GINS1: variants seen among roughly 807,000 people sequenced by gnomAD.
GINS1 encodes GINS complex subunit 1.
GINS1 carries 26 observed loss-of-function variants against 34.9 expected under a neutral mutation model. The observed-to-expected ratio is 0.74, with a 90% confidence interval of 0.55 to 1.03. The LOEUF (loss-of-function observed/expected upper bound fraction) is 1.03, where lower values mean the gene tolerates loss of function less well. Among genes scored for constraint, GINS1 ranks in the 50% least tolerant of loss-of-function variants. The pLI is 0.00. For missense variants in GINS1, 235 were observed against 237.9 expected (o/e 0.99, Z 0.08); for synonymous variants, 97 against 84.4 (o/e 1.15, Z -0.82).
At chr20:25,419,022 G>A (rs939107239) in intron 4 of GINS1, among the ~76,000 whole-genome samples, 1 of 152,166 alleles carries the variant, frequency 6.6e-6, no homozygotes, top group African/African-American at 2.4e-5. Context: ...TACTCTCAGG[G>A]CACATCATAA....
At chr20:25,441,871 C>T (rs567233253) in intron 6 of GINS1, 95 bp downstream of exon 6, 13 of 670,624 alleles carry the variant, frequency 1.9e-5, no homozygotes, top group Middle Eastern at 3.9e-4. Context: ...TTTTGATGAT[C>T]GTTTATATAT....
intron 5 of GINS1, among the ~76,000 whole-genome samples, chr20:25,433,117 T>A (rs1052151721): frequency 6.6e-6 from 1 of 152,056 alleles, no homozygotes; most frequent in African/African-American, 2.4e-5. Flanking sequence ...TTTTGTTTAA[T>A]CCATTCTGCT....
intron 1 of GINS1, chr20:25,409,148 C>A: frequency 2.5e-6 from 1 of 399,310 alleles, no homozygotes; most frequent in Non-Finnish European, 3.4e-6. Flanking sequence ...ACCAATAGGG[C>A]CTGTGGGGAG....
At chr20:25,415,120 T>C (rs1024005360) in intron 2 of GINS1, among the ~76,000 whole-genome samples, 1 of 152,236 alleles carries the variant, frequency 6.6e-6, no homozygotes, top group Admixed American at 6.5e-5. Flanking sequence ...TATCAGTTAC[T>C]TGAATATAGA....
At chr20:25,442,332 C>CT (rs2090486224) in intron 6 of GINS1, among the ~76,000 whole-genome samples, 1 of 135,038 alleles carries the variant, frequency 7.4e-6, no homozygotes, top group African/African-American at 2.6e-5. Context: ...ATCCATCTAT[C>CT]TATCTATCTG....
chr20:25,430,038 A>G (rs942834730), intron 5 of GINS1, among the ~76,000 whole-genome samples: 39 of 152,172 alleles, frequency 2.6e-4, no homozygotes, highest in African/African-American at 9.4e-4. Flanking sequence ...ACAGCCTCCT[A>G]AGTAGCTAGG....
chr20:25,417,031 TG>T (rs2090324756), intron 2 of GINS1, 72 bp from the exon 3 acceptor site: 3 of 684,694 alleles, frequency 4.4e-6, no homozygotes, highest in Non-Finnish European at 7.8e-6. Flanking sequence ...GTAACTCAGT[TG>T]TTAGTTGGCT....
intron 4 of GINS1, 54 bp from the exon 5 acceptor site, chr20:25,425,157 A>T: frequency 1.3e-6 from 1 of 780,844 alleles, no homozygotes; most frequent in East Asian, 2.4e-5. Context: ...GATGATATTC[A>T]GTGTGTGCAA....
At chr20:25,419,674 A>AT in intron 4 of GINS1, 1 of 594,234 alleles carries the variant, frequency 1.7e-6, no homozygotes, top group South Asian at 1.9e-5. Flanking sequence ...TTTTTTGTGT[A>AT]TTTTTTGAGA....
At chr20:25,427,357 C>T (rs766160405) in intron 5 of GINS1, among the ~76,000 whole-genome samples, 1 of 151,952 alleles carries the variant, frequency 6.6e-6, no homozygotes, top group Non-Finnish European at 1.5e-5. Context: ...ACCACCACAC[C>T]TGGCTAATTT....
chr20:25,412,430 C>T (rs1485298082), intron 1 of GINS1, among the ~76,000 whole-genome samples: 1 of 151,750 alleles, frequency 6.6e-6, no homozygotes, highest in African/African-American at 2.4e-5. Context: ...TGGTGGGCGC[C>T]TGTAATCCCA....
At chr20:25,408,795 C>T (rs1410545898) in intron 1 of GINS1, 1 of 353,762 alleles carries the variant, frequency 2.8e-6, no homozygotes, top group Non-Finnish European at 4.0e-6. Flanking sequence ...TAAGGTGACA[C>T]AGCAAGAAAG....
chr20:25,442,788 G>A (rs1168052441), intron 6 of GINS1, among the ~76,000 whole-genome samples: 1 of 151,400 alleles, frequency 6.6e-6, no homozygotes, highest in Non-Finnish European at 1.5e-5. Flanking sequence ...TGTAATTTTT[G>A]TAGAGACGGA....
intron 5 of GINS1, among the ~76,000 whole-genome samples, chr20:25,430,970 T>C (rs2090423969): frequency 6.6e-6 from 1 of 152,262 alleles, no homozygotes; most frequent in Non-Finnish European, 1.5e-5. Context: ...TTATATTTTT[T>C]AGAAAAGTTT....
chr20:25,419,343 G>GAA (rs11087515), intron 4 of GINS1, among the ~76,000 whole-genome samples: 111 of 146,276 alleles, frequency 7.6e-4, no homozygotes, highest in Middle Eastern at 3.6e-3. Flanking sequence ...AGAACTTAAA[G>GAA]AAAAAAAAAA....
At chr20:25,407,977 A>T in intron 1 of GINS1, 82 bp downstream of exon 1, 1 of 1,004,832 alleles carries the variant, frequency 1.0e-6, no homozygotes, top group East Asian at 2.5e-5. Context: ...GTCAGGGTTC[A>T]CTTTCGCACC....
At chr20:25,418,894 C>A (rs767742155) in intron 4 of GINS1, among the ~76,000 whole-genome samples, 6 of 152,190 alleles carry the variant, frequency 3.9e-5, no homozygotes, top group African/African-American at 7.2e-5. Flanking sequence ...TCAGGAGGGC[C>A]AAAGGCCCAA....
chr20:25,418,236 T>C, intron 4 of GINS1, 41 bp downstream of exon 4: 1 of 1,124,366 alleles, frequency 8.9e-7, no homozygotes, highest in Non-Finnish European at 1.4e-6. Context: ...TTGAAAATGC[T>C]AAAGTTCTGG....
chr20:25,415,022 C>T (rs2146191942), intron 2 of GINS1, among the ~76,000 whole-genome samples: 1 of 152,294 alleles, frequency 6.6e-6, no homozygotes, highest in East Asian at 1.9e-4. Context: ...CAAAGGGAGT[C>T]AAGTACTGGA....
Sources: gnomAD v4.1 joint callset for allele counts (sites outside exome capture counted in the v4.1 genomes callset) on GRCh38, gnomAD v4.1.1 for gene constraint, MANE v1.5 for transcripts, NCBI Gene and HGNC (gene_info 2026-07-23, HGNC 2026-07-21) for gene names.